The following KIAA1328 variants were observed in gnomAD, a reference collection of about 807,000 sequenced individuals.
KIAA1328 encodes protein hinderin.
A neutral mutation model predicts 68.1 loss-of-function variants in KIAA1328; 52 were observed. The observed-to-expected ratio is 0.76, with a 90% CI of 0.61 to 0.96. KIAA1328 has a LOEUF of 0.96. KIAA1328 is among the 40% of genes least tolerant of loss of function. The probability of loss-of-function intolerance (pLI) is 0.00; values close to 1 mark genes in which losing one functional copy is unlikely to be tolerated. For synonymous variants in KIAA1328, 232 were observed against 239.4 expected, an observed-to-expected ratio of 0.97 and a Z score of 0.28; for missense variants, 641 against 677.6, an observed-to-expected ratio of 0.95 and a Z score of 0.60.
chr18:37,074,163 T>G (rs1009340059), intron 7 of KIAA1328, among the ~76,000 whole-genome samples: 1 of 152,224 alleles, frequency 6.6e-6, no homozygotes, highest in African/African-American at 2.4e-5. Flanking sequence ...CGATATAGAC[T>G]GCTCCTTTCC....
chr18:36,838,104 C>G (rs1292824240), intron 3 of KIAA1328, among the ~76,000 whole-genome samples: 1 of 152,134 alleles, frequency 6.6e-6, no homozygotes, highest in East Asian at 1.9e-4. Context: ...CTGAATTTCA[C>G]TGTTGGATTG....
At chr18:37,014,220 T>C (rs1374688253) in intron 6 of KIAA1328, among the ~76,000 whole-genome samples, 2 of 152,234 alleles carry the variant, frequency 1.3e-5, no homozygotes, top group African/African-American at 4.8e-5. Flanking sequence ...ATTAAATTCC[T>C]TACAAATTAT....
At chr18:37,165,399 A>AT (rs1007081861) in intron 8 of KIAA1328, among the ~76,000 whole-genome samples, 12 of 151,142 alleles carry the variant, frequency 7.9e-5, no homozygotes, top group Non-Finnish European at 1.2e-4. Flanking sequence ...GGTTTTTTTT[A>AT]TTTTTATTTA....
chr18:36,946,938 G>A (rs1275175024), intron 5 of KIAA1328, among the ~76,000 whole-genome samples: 1 of 152,118 alleles, frequency 6.6e-6, no homozygotes, highest in Non-Finnish European at 1.5e-5. Context: ...TGTATATGAG[G>A]AACACTTGAT....
At chr18:36,929,794 C>G (rs936315603) in intron 5 of KIAA1328, among the ~76,000 whole-genome samples, 17 of 152,064 alleles carry the variant, frequency 1.1e-4, no homozygotes, top group Admixed American at 2.0e-4. Flanking sequence ...CAGAACCCAA[C>G]CATGCTGGCA....
At chr18:37,010,113 G>T (rs2053921166) in intron 6 of KIAA1328, among the ~76,000 whole-genome samples, 1 of 152,024 alleles carries the variant, frequency 6.6e-6, no homozygotes, top group South Asian at 2.1e-4. Context: ...CAGAATTGCT[G>T]GGCTACAGTA....
chr18:36,996,166 C>T (rs1054029384), intron 6 of KIAA1328, among the ~76,000 whole-genome samples: 8 of 152,124 alleles, frequency 5.3e-5, no homozygotes, highest in African/African-American at 1.9e-4. Flanking sequence ...CATTTTTTCC[C>T]ACTTTCTACC....
chr18:36,973,830 TAC>T (rs111392122), intron 6 of KIAA1328, among the ~76,000 whole-genome samples: 7,387 of 147,346 alleles, frequency 0.05, 599 homozygotes, highest in African/African-American at 0.17. Flanking sequence ...CACACACACA[TAC>T]ACACACACAC....
chr18:37,070,890 T>G (rs1241679397), intron 7 of KIAA1328, among the ~76,000 whole-genome samples: 3 of 151,958 alleles, frequency 2.0e-5, no homozygotes, highest in African/African-American at 4.8e-5. Flanking sequence ...TTACTTTCAT[T>G]TTATTAAGGT....
chr18:37,097,077 G>A (rs369509706), intron 7 of KIAA1328, among the ~76,000 whole-genome samples: 5 of 152,134 alleles, frequency 3.3e-5, no homozygotes, highest in Middle Eastern at 6.8e-3. Context: ...TCTTTAGTTT[G>A]ATTAGATCCC....
chr18:37,159,014 G>T (rs1157686490), intron 7 of KIAA1328, among the ~76,000 whole-genome samples: 1 of 151,720 alleles, frequency 6.6e-6, no homozygotes, highest in African/African-American at 2.4e-5. Flanking sequence ...ATCTTCTGGT[G>T]GGTCTGAGAG....
At chr18:37,047,265 A>G (rs934006475) in intron 6 of KIAA1328, among the ~76,000 whole-genome samples, 5 of 152,124 alleles carry the variant, frequency 3.3e-5, no homozygotes, top group Admixed American at 3.3e-4. Context: ...TTTGTCTTCT[A>G]CTATCTCTCC....
At chr18:36,888,638 T>A (rs975061450) in intron 5 of KIAA1328, among the ~76,000 whole-genome samples, 5 of 152,152 alleles carry the variant, frequency 3.3e-5, no homozygotes, top group Admixed American at 2.6e-4. Context: ...AGGACATGAT[T>A]TTTTTAAATG....
intron 9 of KIAA1328, among the ~76,000 whole-genome samples, chr18:37,200,145 T>G (rs1300611004): frequency 6.6e-6 from 1 of 152,156 alleles, no homozygotes; most frequent in African/African-American, 2.4e-5. Context: ...AACATACAAT[T>G]TGAAGAGTTT....
chr18:37,124,261 A>G (rs2058339925), intron 7 of KIAA1328, among the ~76,000 whole-genome samples: 2 of 152,158 alleles, frequency 1.3e-5, no homozygotes, highest in Non-Finnish European at 1.5e-5. Flanking sequence ...CTCATTTCAA[A>G]TAGATTTGTA....
chr18:37,146,517 A>G (rs924791986), intron 7 of KIAA1328, among the ~76,000 whole-genome samples: 14 of 152,114 alleles, frequency 9.2e-5, no homozygotes, highest in Non-Finnish European at 1.6e-4. Context: ...TGTGTTTGCT[A>G]TTTTGCATAG....
At chr18:37,194,088 A>G (rs1003312433) in intron 9 of KIAA1328, among the ~76,000 whole-genome samples, 1 of 152,208 alleles carries the variant, frequency 6.6e-6, no homozygotes, top group Non-Finnish European at 1.5e-5. Context: ...ATTCCTATAT[A>G]TATCATTTAT....
intron 3 of KIAA1328, among the ~76,000 whole-genome samples, chr18:36,836,736 C>T (rs762571335): frequency 3.9e-5 from 6 of 151,996 alleles, no homozygotes; most frequent in East Asian, 1.9e-4. Context: ...AATCTAGTTT[C>T]GAAACATTTT....
At chr18:37,068,986 AAGT>A (rs1254378221) in intron 7 of KIAA1328, among the ~76,000 whole-genome samples, 1 of 152,084 alleles carries the variant, frequency 6.6e-6, no homozygotes, top group Non-Finnish European at 1.5e-5. Context: ...AATTTTAATG[AAGT>A]CCAATTTATC....
Sources: gnomAD v4.1 joint callset for allele counts (sites outside exome capture counted in the v4.1 genomes callset) on GRCh38, gnomAD v4.1.1 for gene constraint, MANE v1.5 for transcripts, NCBI Gene and HGNC (gene_info 2026-07-23, HGNC 2026-07-21) for gene names.